ZNF37A: variants seen among roughly 807,000 people sequenced by gnomAD.
ZNF37A encodes the protein zinc finger protein 37a (KOX 21).
Under a neutral mutation model 12.3 loss-of-function variants are expected in ZNF37A, and 10 were observed. That is an observed-to-expected ratio of 0.82 (90% CI 0.50 to 1.38). The LOEUF is 1.38. ZNF37A is among the 40% of genes most tolerant of loss of function. The pLI is 0.00. For synonymous variants in ZNF37A, 207 were observed against 223.0 expected (o/e 0.93, Z 0.64); for missense variants, 580 against 651.2 (o/e 0.89, Z 1.19).
intron 5 of ZNF37A, among the ~76,000 whole-genome samples, chr10:38,101,649 CTT>C (rs2067582163): frequency 6.7e-6 from 1 of 149,872 alleles, no homozygotes. Flanking sequence ...CTTAAAGTCT[CTT>C]TTGTCTCAGT....
intron 1 of ZNF37A, 110 bp downstream of exon 1, chr10:38,094,600 T>C (rs1385289240): frequency 2.0e-5 from 3 of 152,436 alleles, no homozygotes; most frequent in Non-Finnish European, 4.4e-5. Flanking sequence ...CCTGCCTCGG[T>C]TCTTGTGCTC....
At chr10:38,142,737 G>C (rs1382818917) in intron 7 of ZNF37A, 4 of 152,182 alleles carry the variant, frequency 2.6e-5, no homozygotes, top group African/African-American at 9.6e-5. Flanking sequence ...TGTTACTTCA[G>C]GTGTGACATT....
rs1207188873 is a variant in ZNF37A, at chr10:38,118,378, A to G, written c.1227A>G (p.Lys409=). Residue 409 remains lysine (K), a synonymous_variant, in exon 8 of 8, where the codon AAA becomes AAG. Coordinates refer to ENST00000685332, the MANE Select transcript of ZNF37A (RefSeq NM_001324250.3). Reference sequence around the variant, plus strand: ...ATCAAAGAATACACACAGGTGAAAAACCTTATGAATGTAATGAATGTGGGA... The same window carrying G: ...ATCAAAGAATACACACAGGTGAAAAGCCTTATGAATGTAATGAATGTGGGA... The part of the protein sequence containing the change: ...IKHQRIHTGE[K]PYECNECGKS... 1.9e-6 allele frequency: 3 copies of G among 1,613,814 alleles called. No homozygotes were observed. Among genetic ancestry groups the G allele is most frequent in the Non-Finnish European group, 2.5e-6 (3 of 1,179,954 alleles).
intron 7 of ZNF37A, among the ~76,000 whole-genome samples, chr10:38,131,014 A>C (rs1380751815): frequency 6.6e-6 from 1 of 152,166 alleles, no homozygotes; most frequent in Non-Finnish European, 1.5e-5. Context: ...GAGTAATGTC[A>C]AAGAATTTTC....
intron 5 of ZNF37A, among the ~76,000 whole-genome samples, chr10:38,102,634 A>C (rs113238546): frequency 6.6e-6 from 1 of 152,182 alleles, no homozygotes; most frequent in Non-Finnish European, 1.5e-5. Flanking sequence ...TACAGTAGTT[A>C]GTTTTATCAT....
At chr10:38,099,299 C>T (rs758851921) in intron 5 of ZNF37A, among the ~76,000 whole-genome samples, 1 of 152,128 alleles carries the variant, frequency 6.6e-6, no homozygotes, top group African/African-American at 2.4e-5. Flanking sequence ...TCCTCCTTGC[C>T]CCTGGCAACC....
At chr10:38,108,518 C>T (rs192517008) in intron 5 of ZNF37A, among the ~76,000 whole-genome samples, 10 of 151,982 alleles carry the variant, frequency 6.6e-5, no homozygotes, top group Admixed American at 4.6e-4. Flanking sequence ...GATAGAGATA[C>T]GAAAAACCCT....
chr10:38,146,710 G>A, intron 7 of ZNF37A: 1 of 398,392 alleles, frequency 2.5e-6, no homozygotes, highest in Non-Finnish European at 4.4e-6. Context: ...ATGCACAGAG[G>A]GTCAACTTTT....
chr10:38,098,927 T>G (rs2135868175), intron 5 of ZNF37A, among the ~76,000 whole-genome samples: 1 of 152,310 alleles, frequency 6.6e-6, no homozygotes, highest in South Asian at 2.1e-4. Context: ...TCCTGTAATT[T>G]TGCTGAATTT....
intron 4 of ZNF37A, 38 bp downstream of exon 4, chr10:38,095,842 T>C (rs1458869969): frequency 2.6e-5 from 4 of 152,128 alleles, no homozygotes; most frequent in Non-Finnish European, 4.4e-5. Flanking sequence ...AATCCAAAGA[T>C]TGTTTTGAGA....
chr10:38,106,353 A>G (rs1199979348), intron 5 of ZNF37A, among the ~76,000 whole-genome samples: 1 of 152,218 alleles, frequency 6.6e-6, no homozygotes, highest in Non-Finnish European at 1.5e-5. Context: ...CACCAACATC[A>G]AACACCAAAG....
chr10:38,149,010 G>A (rs901399218), exon 8 of ZNF37A: 3 of 151,726 alleles, frequency 2.0e-5, no homozygotes, highest in Non-Finnish European at 2.9e-5. Flanking sequence ...GCTAATTTTT[G>A]TACTTTTAGT....
chr10:38,100,877 A>T (rs2384730), intron 5 of ZNF37A, among the ~76,000 whole-genome samples: 12 of 151,842 alleles, frequency 7.9e-5, no homozygotes, highest in African/African-American at 2.2e-4. Flanking sequence ...GACAGGCATA[A>T]GAAATTATAA....
chr10:38,107,803 C>T (rs547729255), intron 5 of ZNF37A, among the ~76,000 whole-genome samples: 7 of 152,228 alleles, frequency 4.6e-5, no homozygotes, highest in South Asian at 2.1e-4. Flanking sequence ...GAAGAGCTAA[C>T]GACCCTAAAT....
chr10:38,121,107 A>G lies in ZNF37A; in HGVS notation c.*2270A>G, dbSNP rs753830158. ...TCACTGAAGTTATTCCAAATATTTA[A>G]GAAATAATACCAGGCTTTTATAAAC... On this transcript the variant is annotated 3_prime_UTR_variant, in exon 8 of 8. Transcript: ENST00000685332. 4 of 152,178 alleles carry G rather than the reference A, an allele frequency of 2.6e-5. No individual in the cohort carries two copies. The highest frequency in any genetic ancestry group is 5.9e-5 in the Non-Finnish European group (4 of 68,034). The allele number at this position is 152,178 out of a possible 1,614,324, so 9.4% of individuals were successfully genotyped here.
intron 5 of ZNF37A, among the ~76,000 whole-genome samples, chr10:38,110,162 A>C (rs576742704): frequency 1.2e-4 from 19 of 152,346 alleles, no homozygotes; most frequent in Admixed American, 1.2e-3. Context: ...TCAATGGAAC[A>C]GAACAGAGGC....
intron 5 of ZNF37A, among the ~76,000 whole-genome samples, chr10:38,102,677 T>A (rs1306549972): frequency 2.0e-5 from 3 of 152,236 alleles, no homozygotes; most frequent in African/African-American, 7.2e-5. Context: ...TTGGAGTTAC[T>A]GTCTAGTATC....
At chr10:38,137,527 C>A (rs754447449) in intron 7 of ZNF37A, 1 of 152,132 alleles carries the variant, frequency 6.6e-6, no homozygotes, top group Non-Finnish European at 1.5e-5. Flanking sequence ...GCCTACATGC[C>A]CACACCACAT....
chr10:38,137,593 G>A (rs904115201), intron 7 of ZNF37A: 6 of 152,176 alleles, frequency 3.9e-5, no homozygotes, highest in African/African-American at 1.4e-4. Context: ...TGGAAGGCCA[G>A]GTCTTTATTG....
Sources: allele counts gnomAD v4.1 joint callset (sites outside exome capture counted in the v4.1 genomes callset), GRCh38; gene constraint gnomAD v4.1.1; transcripts MANE v1.5; gene names NCBI Gene and HGNC (gene_info 2026-07-23, HGNC 2026-07-21).